The following GSTA4 variants were observed in gnomAD, a reference collection of about 807,000 sequenced individuals.
GSTA4 encodes the protein glutathione S-transferase alpha 4, also known as glutathione S-transferase A4.
In GSTA4, 15 loss-of-function variants were observed where a neutral mutation model predicts 24.4. The ratio of observed to expected loss-of-function variants is 0.61; its 90% CI spans 0.41 to 0.95. The LOEUF (loss-of-function observed/expected upper bound fraction) is 0.95. Ranked by LOEUF, GSTA4 falls within the 40% of genes least tolerant of loss-of-function variation. The pLI is 0.00. For synonymous variants in GSTA4, 92 were observed against 94.2 expected, an observed-to-expected ratio of 0.98 and a Z score of 0.13; for missense variants, 244 against 262.1, an observed-to-expected ratio of 0.93 and a Z score of 0.48.
In GSTA4 at chr6:52,978,372, A is replaced by C. The variant is rs1763384563; in HGVS notation, c.*98T>G. The C allele has an allele frequency of 7.2e-6, 9 of 1,241,486 alleles. No individual in the cohort carries two copies. Among genetic ancestry groups the C allele is most frequent in the Non-Finnish European group, 1.0e-5 (9 of 878,930 alleles). 76.9% of individuals were successfully genotyped at this position (1,241,486 alleles called of 1,614,324 possible). On this transcript the variant is annotated 3_prime_UTR_variant, in exon 7 of 7. Transcript: ENST00000370963. ...CCCAACTTAGGACCCAACTTAATAC[A>C]TAGATAGCACCATGACAGAGCTGGG... is the stretch of plus-strand genomic sequence containing the variant.
chr6:52,984,102 C>G (rs1160242718), intron 5 of GSTA4, among the ~76,000 whole-genome samples: 5 of 152,086 alleles, frequency 3.3e-5, no homozygotes, highest in African/African-American at 1.2e-4. Context: ...GCTGAGACAG[C>G]TGTTCGACAA....
At chr6:52,994,329 C>G in intron 1 of GSTA4, 68 bp from the exon 2 acceptor site, 2 of 755,074 alleles carry the variant, frequency 2.6e-6, no homozygotes, top group East Asian at 2.5e-5. Context: ...ACCCAGTGCT[C>G]AGGGGCGAAA....
intron 4 of GSTA4, 85 bp from the exon 5 acceptor site, chr6:52,984,690 T>TC (rs1763520964): frequency 3.2e-6 from 4 of 1,267,688 alleles, no homozygotes; most frequent in Non-Finnish European, 4.5e-6. Context: ...GTGCTTTTTT[T>TC]TTTTTTTTTA....
At chr6:52,983,411 T>C (rs1299078997) in intron 5 of GSTA4, among the ~76,000 whole-genome samples, 1 of 152,210 alleles carries the variant, frequency 6.6e-6, no homozygotes, top group African/African-American at 2.4e-5. Flanking sequence ...TGTCTGCATG[T>C]GCACAAGTGT....
At position 52,982,758 on chromosome 6, in the gene GSTA4, G is replaced by A. The variant is rs1017607887; in HGVS notation, c.415-53C>T. The A allele has an allele frequency of 1.6e-5, 22 of 1,365,008 alleles. No homozygotes were observed. In the Admixed American group the frequency reaches 3.0e-4, roughly 18 times the overall value. The allele number at this position is 1,365,008 out of a possible 1,614,324, so 84.6% of individuals were successfully genotyped here. A position where few individuals can be genotyped will look rare whatever the true frequency, so the allele number is the denominator to read the frequency against. ...CAATATTCCACATGGAGAGAGTGAT[G>A]AGGCTATTGAATCAGTGCAGTATCT... is the stretch of plus-strand genomic sequence containing the variant. On this transcript the variant is annotated intron_variant, in intron 5 of 6. Coordinates refer to ENST00000370963, the MANE Select transcript of GSTA4 (RefSeq NM_001512.4).
chr6:52,991,898 A>G (rs1763668754), intron 2 of GSTA4, among the ~76,000 whole-genome samples: 1 of 151,942 alleles, frequency 6.6e-6, no homozygotes, highest in Non-Finnish European at 1.5e-5. Context: ...CTGGGACGAC[A>G]GGCACATGCC....
At chr6:52,984,945 T>TTAGAGTGTACCA (rs1763525104) in intron 4 of GSTA4, among the ~76,000 whole-genome samples, 1 of 152,188 alleles carries the variant, frequency 6.6e-6, no homozygotes, top group Admixed American at 6.5e-5. Context: ...TATTGAGTGC[T>TTAGAGTGTACCA]TAGAGTGTAC....
chr6:52,984,684 T>A, intron 4 of GSTA4, 79 bp from the exon 5 acceptor site: 2 of 303,142 alleles, frequency 6.6e-6, no homozygotes, highest in Non-Finnish European at 9.1e-6. Flanking sequence ...TTCAGAGTGC[T>A]TTTTTTTTTT....
chr6:52,986,747 G>C (rs72932928), intron 3 of GSTA4, among the ~76,000 whole-genome samples: 1 of 152,178 alleles, frequency 6.6e-6, no homozygotes, highest in Non-Finnish European at 1.5e-5. Flanking sequence ...GTACCACACA[G>C]GGGAGCCTCC....
chr6:52,994,118 C>G, intron 2 of GSTA4, 39 bp downstream of exon 2: 1 of 1,324,952 alleles, frequency 7.5e-7, no homozygotes, highest in Non-Finnish European at 1.1e-6. Flanking sequence ...GTCTCAAAAG[C>G]TGTATGACAA....
intron 2 of GSTA4, among the ~76,000 whole-genome samples, chr6:52,992,032 G>A (rs1156974732): frequency 1.3e-5 from 2 of 151,822 alleles, no homozygotes; most frequent in African/African-American, 2.4e-5. Flanking sequence ...TGGGATTACA[G>A]GTGTGAGCCA....
intron 2 of GSTA4, among the ~76,000 whole-genome samples, chr6:52,991,792 C>G (rs1484885558): frequency 8.2e-6 from 1 of 121,652 alleles, no homozygotes; most frequent in Non-Finnish European, 1.6e-5. Context: ...GAGTCTCGTT[C>G]TGTTGTCCAG....
intron 2 of GSTA4, among the ~76,000 whole-genome samples, chr6:52,988,796 T>TGA (rs1037370660): frequency 2.8e-4 from 43 of 152,202 alleles, no homozygotes; most frequent in African/African-American, 9.9e-4. Flanking sequence ...TTAGATGTTG[T>TGA]GAAGGCAGTG....
intron 6 of GSTA4, 134 bp downstream of exon 6, chr6:52,982,440 C>T: frequency 1.7e-6 from 1 of 580,284 alleles, no homozygotes; most frequent in Non-Finnish European, 2.9e-6. Flanking sequence ...ACTTTCATTT[C>T]ATTTGCCAAA....
intron 6 of GSTA4, 50 bp downstream of exon 6, chr6:52,982,524 G>A: frequency 1.4e-6 from 2 of 1,449,110 alleles, no homozygotes; most frequent in Non-Finnish European, 1.9e-6. Flanking sequence ...AGACACTGAA[G>A]GAAGGCCCAA....
At chr6:52,979,429 A>AT (rs1254704743) in intron 6 of GSTA4, among the ~76,000 whole-genome samples, 4 of 152,140 alleles carry the variant, frequency 2.6e-5, no homozygotes, top group Non-Finnish European at 5.9e-5. Context: ...AGCCAGTTGC[A>AT]TTTTTTTCAT....
chr6:52,982,621 G>C lies in GSTA4; in HGVS notation c.499C>G (p.Leu167Val), dbSNP rs372755358. 1.2e-5 allele frequency: 19 copies of C among 1,609,388 alleles called. No homozygotes were observed. The highest frequency in any genetic ancestry group is 9.4e-5 in the African/African-American group (7 of 74,842). Residue 167 changes from leucine to valine, a missense_variant, in exon 6 of 7, where the codon CTA becomes GTA. Transcript: ENST00000370963. Reference protein sequence around the residue: ...DVILLQTILALEEKIPNILSA... With the variant: ...DVILLQTILAVEEKIPNILSA... ...AGGATATTAGGAATTTTCTCTTCTA[G>C]AGCTAAAATGGTTTGGAGTAAAATC...
intron 1 of GSTA4, 122 bp from the exon 2 acceptor site, chr6:52,994,383 G>T: frequency 1.1e-5 from 6 of 532,650 alleles, no homozygotes; most frequent in South Asian, 3.0e-5. Flanking sequence ...CTTTATTTTT[G>T]TTGCTGCATT....
intron 1 of GSTA4, 186 bp from the exon 2 acceptor site, chr6:52,994,447 T>C: frequency 1.8e-6 from 1 of 544,720 alleles, no homozygotes; most frequent in Non-Finnish European, 3.3e-6. Flanking sequence ...GAAAAAAACC[T>C]TGGCTTTTAT....
Sources: allele counts gnomAD v4.1 joint callset (sites outside exome capture counted in the v4.1 genomes callset), GRCh38; gene constraint gnomAD v4.1.1; transcripts MANE v1.5; gene names NCBI Gene and HGNC (gene_info 2026-07-23, HGNC 2026-07-21).